The following SPATS2 variants were observed in gnomAD, a reference collection of about 807,000 sequenced individuals.
The protein encoded by SPATS2 is spermatogenesis-associated serine-rich protein 2.
In SPATS2, 38 loss-of-function variants were observed where a neutral mutation model predicts 63.7. The ratio of observed to expected loss-of-function variants is 0.60; its 90% CI spans 0.46 to 0.78. The LOEUF (loss-of-function observed/expected upper bound fraction) is 0.78. Ranked by LOEUF, SPATS2 falls within the 30% of genes least tolerant of loss-of-function variation. SPATS2 has a pLI of 0.00. For synonymous variants in SPATS2, 207 were observed against 232.9 expected, an observed-to-expected ratio of 0.89 and a Z score of 1.01; for missense variants, 588 against 666.2, an observed-to-expected ratio of 0.88 and a Z score of 1.29.
chr12:49,389,390 A>G, intron 2 of SPATS2: 1 of 559,508 alleles, frequency 1.8e-6, no homozygotes, highest in Admixed American at 3.3e-5. Context: ...CTGCTAACTG[A>G]GGAGGCAGAT....
intron 2 of SPATS2, among the ~76,000 whole-genome samples, chr12:49,371,952 GT>G (rs55899804): frequency 0.92 from 127,631 of 138,330 alleles, 58,952 homozygotes; most frequent in South Asian, 0.97. Flanking sequence ...CTCCTTTCAG[GT>G]TTTTTTTTTT....
intron 2 of SPATS2, among the ~76,000 whole-genome samples, chr12:49,438,030 A>G (rs1024949180): frequency 5.3e-5 from 8 of 152,180 alleles, no homozygotes; most frequent in Admixed American, 3.3e-4. Flanking sequence ...GAATTTTTAC[A>G]TATGTTGTAC....
intron 2 of SPATS2, among the ~76,000 whole-genome samples, chr12:49,418,699 C>A (rs1436907389): frequency 1.3e-5 from 2 of 152,114 alleles, no homozygotes; most frequent in African/African-American, 4.8e-5. Flanking sequence ...CCTCAGCCTC[C>A]CAAAGCGTTG....
intron 4 of SPATS2, chr12:49,486,383 T>C (rs1946294037): frequency 3.2e-6 from 1 of 309,142 alleles, no homozygotes; most frequent in Non-Finnish European, 6.4e-6. Flanking sequence ...GTTTTTATAT[T>C]TTTAGTAGAG....
intron 3 of SPATS2, among the ~76,000 whole-genome samples, chr12:49,474,813 CAT>C (rs1946092353): frequency 6.6e-6 from 1 of 152,142 alleles, no homozygotes; most frequent in South Asian, 2.1e-4. Context: ...CTGATAAAGA[CAT>C]ATCCGAAACT....
chr12:49,433,553 C>G (rs1438621634), intron 2 of SPATS2, among the ~76,000 whole-genome samples: 2 of 152,156 alleles, frequency 1.3e-5, no homozygotes, highest in Admixed American at 1.3e-4. Flanking sequence ...GATTGAGCAT[C>G]TTTTCACGTG....
intron 1 of SPATS2, 92 bp downstream of exon 1, chr12:49,367,679 GGGTAGT>G: frequency 3.2e-6 from 1 of 311,984 alleles, no homozygotes; most frequent in Non-Finnish European, 5.8e-6. Flanking sequence ...AAGAGGGAGG[GGGTAGT>G]TGGGGGCGGG....
intron 2 of SPATS2, among the ~76,000 whole-genome samples, chr12:49,414,710 C>T (rs1012785629): frequency 6.6e-6 from 1 of 151,690 alleles, no homozygotes. Flanking sequence ...GCTTGTGACC[C>T]TCCCACCTCA....
chr12:49,367,324 C>G (rs1430368373), upstream of SPATS2: 2 of 380,558 alleles, frequency 5.3e-6, no homozygotes, highest in Middle Eastern at 6.7e-4. Flanking sequence ...GCGGGGCGAG[C>G]CGCTGCCTGG....
At chr12:49,379,995 C>T (rs1188226243) in intron 2 of SPATS2, among the ~76,000 whole-genome samples, 2 of 152,194 alleles carry the variant, frequency 1.3e-5, no homozygotes, top group African/African-American at 4.8e-5. Context: ...ATTTCCTCCT[C>T]TCATCTCTGG....
intron 2 of SPATS2, among the ~76,000 whole-genome samples, chr12:49,447,769 C>G (rs536750208): frequency 6.6e-6 from 1 of 152,210 alleles, no homozygotes; most frequent in East Asian, 1.9e-4. Flanking sequence ...TAAAGTTGCT[C>G]ATAGCATTTC....
At chr12:49,503,513 G>A (rs1222917089) in intron 9 of SPATS2, among the ~76,000 whole-genome samples, 1 of 151,746 alleles carries the variant, frequency 6.6e-6, no homozygotes, top group Non-Finnish European at 1.5e-5. Flanking sequence ...GCCGGGCGTG[G>A]TGGCGGGCGC....
chr12:49,463,093 T>TAAAAAAA (rs60584879), intron 3 of SPATS2: 1 of 152,138 alleles, frequency 6.6e-6, no homozygotes, highest in East Asian at 1.9e-4. Context: ...ATATTAACTA[T>TAAAAAAA]AAAAGAATTT....
At chr12:49,385,638 T>G (rs959414838) in intron 2 of SPATS2, among the ~76,000 whole-genome samples, 3 of 152,076 alleles carry the variant, frequency 2.0e-5, no homozygotes, top group African/African-American at 7.2e-5. Flanking sequence ...TGTTTTAATA[T>G]TCTCAGTGAA....
chr12:49,401,481 CTTGTT>C (rs1308433229), intron 2 of SPATS2, among the ~76,000 whole-genome samples: 2 of 152,166 alleles, frequency 1.3e-5, no homozygotes, highest in East Asian at 3.8e-4. Flanking sequence ...CACTGCTAAT[CTTGTT>C]TTATTTGTAC....
intron 2 of SPATS2, among the ~76,000 whole-genome samples, chr12:49,372,640 G>T (rs1247825116): frequency 1.3e-5 from 2 of 151,812 alleles, no homozygotes; most frequent in Non-Finnish European, 2.9e-5. Flanking sequence ...TGAAATTTAG[G>T]GTACTTTTTT....
At chr12:49,424,940 C>G (rs572646968) in intron 2 of SPATS2, among the ~76,000 whole-genome samples, 1 of 152,308 alleles carries the variant, frequency 6.6e-6, no homozygotes, top group South Asian at 2.1e-4. Flanking sequence ...CTTGGCCTCC[C>G]AAAGTGCTGG....
intron 2 of SPATS2, among the ~76,000 whole-genome samples, chr12:49,384,896 G>A (rs553841262): frequency 2.6e-5 from 4 of 151,670 alleles, no homozygotes; most frequent in South Asian, 2.1e-4. Context: ...CGCAACCTTC[G>A]CTTCCCGGGT....
intron 2 of SPATS2, among the ~76,000 whole-genome samples, chr12:49,447,382 G>A (rs1295039222): frequency 6.6e-6 from 1 of 152,146 alleles, no homozygotes; most frequent in Non-Finnish European, 1.5e-5. Context: ...GGGACTACAG[G>A]TGCGCACCAC....
Sources: allele counts gnomAD v4.1 joint callset (sites outside exome capture counted in the v4.1 genomes callset), GRCh38; gene constraint gnomAD v4.1.1; transcripts MANE v1.5; gene names NCBI Gene and HGNC (gene_info 2026-07-23, HGNC 2026-07-21).